Variants in FBLN1 observed in about 807,000 individuals in gnomAD.
FBLN1 encodes fibulin-1.
Under a neutral mutation model 89.7 loss-of-function variants are expected in FBLN1, and 34 were observed. The observed-to-expected ratio is 0.38, with a 90% CI of 0.29 to 0.50. The LOEUF is 0.50. FBLN1 is among the 20% of genes least tolerant of loss of function. FBLN1 has a pLI of 0.92. For synonymous variants in FBLN1, 393 were observed against 391.3 expected, an observed-to-expected ratio of 1.00 and a Z score of -0.05; for missense variants, 777 against 988.1, an observed-to-expected ratio of 0.79 and a Z score of 2.86.
intron 2 of FBLN1, among the ~76,000 whole-genome samples, chr22:45,523,917 C>T (rs142716275): frequency 6.6e-6 from 1 of 152,280 alleles, no homozygotes; most frequent in Non-Finnish European, 1.5e-5. Context: ...ACACGGGTTC[C>T]AGCATCTCCA....
chr22:45,534,991 G>GA (rs1273047660), intron 7 of FBLN1, among the ~76,000 whole-genome samples: 2 of 152,062 alleles, frequency 1.3e-5, no homozygotes, highest in Non-Finnish European at 2.9e-5. Flanking sequence ...AGAGCCTTGG[G>GA]AAAAAAAGTC....
rs575157250 is a variant in FBLN1, at chr22:45,563,967, C to T, written c.1698-10544C>T. Reference sequence around the variant, plus strand: ...TTTTGCCCCCACTGAGGATCCTGGCCCTGTGCCGGGGGGAGGCAAAGGACC... The same window carrying T: ...TTTTGCCCCCACTGAGGATCCTGGCTCTGTGCCGGGGGGAGGCAAAGGACC... On this transcript the variant is annotated intron_variant, in intron 14 of 16. Coordinates refer to ENST00000327858, the MANE Select transcript of FBLN1 (RefSeq NM_006486.3). The surrounding 1 kb of genome is among the most constrained non-coding windows in gnomAD (Gnocchi z 5.7). Among the ~76,000 whole-genome samples the T allele has an allele frequency of 1.3e-5, 2 of 152,142 alleles. No individual in the cohort carries two copies. Among genetic ancestry groups the T allele is most frequent in the Non-Finnish European group, 2.9e-5 (2 of 68,022 alleles).
chr22:45,542,372 A>T, intron 10 of FBLN1, 89 bp downstream of exon 10: 2 of 1,524,932 alleles, frequency 1.3e-6, no homozygotes, highest in Admixed American at 1.7e-5. Context: ...ATGTGGTCTG[A>T]TCCTCATCTC....
At chr22:45,520,660 G>A (rs1308273756) in intron 2 of FBLN1, among the ~76,000 whole-genome samples, 2 of 152,156 alleles carry the variant, frequency 1.3e-5, no homozygotes, top group African/African-American at 4.8e-5. Flanking sequence ...AGAAAGTGAG[G>A]CATCAGCCCG....
chr22:45,550,425 C>T lies in FBLN1; in HGVS notation c.1574-67C>T. On this transcript the variant is annotated intron_variant, in intron 13 of 16. Coordinates refer to ENST00000327858, the MANE Select transcript of FBLN1 (RefSeq NM_006486.3). The surrounding 1 kb of genome is among the most constrained non-coding windows in gnomAD (Gnocchi z 8.4). ...TAGTTGATGGGAGGCCTGGGCTCCT[C>T]CGTCTCCAGATGGGTATGGCTCCTG... 1.2e-6 allele frequency: 2 copies of T among 1,612,030 alleles called. No homozygotes were observed. Among genetic ancestry groups the T allele is most frequent in the Middle Eastern group, 1.7e-4 (1 of 6,060 alleles).
intron 11 of FBLN1, among the ~76,000 whole-genome samples, chr22:45,546,237 A>G (rs1048208384): frequency 7.3e-5 from 11 of 151,086 alleles, no homozygotes; most frequent in Admixed American, 3.3e-4. Context: ...TATTATTTTG[A>G]GACGGAGTCT....
chr22:45,516,860 A>G (rs955053135), intron 1 of FBLN1, among the ~76,000 whole-genome samples: 3 of 152,202 alleles, frequency 2.0e-5, no homozygotes, highest in African/African-American at 7.2e-5. Context: ...AGAAGTTGTC[A>G]CTGGGGGACA....
chr22:45,542,473 G>A (rs1012242613), intron 10 of FBLN1, among the ~76,000 whole-genome samples, 190 bp downstream of exon 10: 1 of 152,150 alleles, frequency 6.6e-6, no homozygotes, highest in African/African-American at 2.4e-5. Flanking sequence ...CCAGCCAGGC[G>A]GCCACTGGCA....
At chr22:45,508,489 C>T (rs2088054984) in intron 1 of FBLN1, among the ~76,000 whole-genome samples, 1 of 152,112 alleles carries the variant, frequency 6.6e-6, no homozygotes, top group Non-Finnish European at 1.5e-5. Context: ...TCTCTAACTC[C>T]TGACCTCGTG....
chr22:45,597,090 C>G lies in FBLN1; in HGVS notation c.1973-3217C>G, dbSNP rs569337514. Reference sequence around the variant, plus strand: ...AATCTTGGCTCATTGCAACCTTGACCTTCCCGGGCTCAAACAATTCTGCCA... The same window carrying G: ...AATCTTGGCTCATTGCAACCTTGACGTTCCCGGGCTCAAACAATTCTGCCA... On this transcript the variant is annotated intron_variant, in intron 16 of 16. Coordinates refer to ENST00000327858, the MANE Select transcript of FBLN1 (RefSeq NM_006486.3). The surrounding 1 kb of genome is among the most constrained non-coding windows in gnomAD (Gnocchi z 4.2). 3.9e-4 allele frequency among the ~76,000 whole-genome samples: 59 copies of G among 151,928 alleles called. No homozygotes were observed. The highest frequency in any genetic ancestry group is 1.3e-3 in the African/African-American group (55 of 41,478).
intron 2 of FBLN1, among the ~76,000 whole-genome samples, chr22:45,524,343 TC>T (rs1334713682): frequency 6.6e-6 from 1 of 152,160 alleles, no homozygotes; most frequent in Non-Finnish European, 1.5e-5. Context: ...CGTGACACAC[TC>T]CTCTCCTGCT....
At position 45,548,887 on chromosome 22, in the gene FBLN1, C is replaced by T. The variant is rs564629413; in HGVS notation, c.1573+143C>T. ...GGAATGCATTCAGGAAAAGGAGGCC[C>T]ACCCCATCCAAGGGGTGTCCTGGGG... On this transcript the variant is annotated intron_variant, in intron 13 of 16. Transcript: ENST00000327858. The T allele has an allele frequency of 5.7e-5, 77 of 1,339,788 alleles. No individual in the cohort carries two copies. In the African/African-American group the frequency reaches 9.4e-4, roughly 16 times the overall value. The allele number at this position is 1,339,788 out of a possible 1,614,324, so 83.0% of individuals were successfully genotyped here.
At chr22:45,517,315 T>C in intron 1 of FBLN1, 1 of 325,032 alleles carries the variant, frequency 3.1e-6, no homozygotes, top group Non-Finnish European at 6.1e-6. Flanking sequence ...GGGGCTGTCG[T>C]GCTAATGCTT....
Position 45,563,418 on chromosome 22 carries a change from C to A in FBLN1, c.1698-11093C>A. 6.7e-7 allele frequency: 1 copy of A among 1,499,218 alleles called. No homozygotes were observed. The highest frequency in any genetic ancestry group is 8.9e-7 in the Non-Finnish European group (1 of 1,124,258). The allele number at this position is 1,499,218 out of a possible 1,614,324, so 92.9% of individuals were successfully genotyped here. A position where few individuals can be genotyped will look rare whatever the true frequency, so the allele number is the denominator to read the frequency against. ...GTTGGGAGTCTGTGCCGCTTGTTAC[C>A]CGGGGGTGAGCTGGGCACTGGCCAC... On this transcript the variant is annotated intron_variant, in intron 14 of 16. Coordinates refer to ENST00000327858, the MANE Select transcript of FBLN1 (RefSeq NM_006486.3). The surrounding 1 kb of genome is among the most constrained non-coding windows in gnomAD (Gnocchi z 5.7).
intron 1 of FBLN1, among the ~76,000 whole-genome samples, chr22:45,504,202 G>C (rs1167202324): frequency 6.6e-6 from 1 of 151,718 alleles, no homozygotes; most frequent in Non-Finnish European, 1.5e-5. Flanking sequence ...ATTCCAGGAA[G>C]GGGGCTGAAG....
chr22:45,568,756 AG>A lies in FBLN1; in HGVS notation c.1698-5754del, dbSNP rs1412534369. 1.6e-3 allele frequency among the ~76,000 whole-genome samples: 44 copies of A among 27,794 alleles called. 11 individuals are homozygous for A. The highest frequency in any genetic ancestry group is 5.6e-3 in the African/African-American group (33 of 5,910). 18.2% of individuals were successfully genotyped at this position (27,794 alleles called of 152,430 possible). A position where few individuals can be genotyped will look rare whatever the true frequency, so the allele number is the denominator to read the frequency against. On this transcript the variant is annotated intron_variant, in intron 14 of 16. Transcript: ENST00000327858. ...CTCCTGTAGGGGACTTCTGTAGGGGAGTGCTCCTTCTGTAAGGGAATGCTCC... is the reference window on the plus strand; with the variant it reads ...CTCCTGTAGGGGACTTCTGTAGGGGATGCTCCTTCTGTAAGGGAATGCTCC...
At chr22:45,507,184 C>T (rs1014989944) in intron 1 of FBLN1, among the ~76,000 whole-genome samples, 1 of 152,096 alleles carries the variant, frequency 6.6e-6, no homozygotes, top group African/African-American at 2.4e-5. Context: ...CTGGGCTGGG[C>T]CCCACCTCCT....
chr22:45,512,170 G>A (rs1340141500), intron 1 of FBLN1, among the ~76,000 whole-genome samples: 3 of 151,944 alleles, frequency 2.0e-5, no homozygotes, highest in Admixed American at 6.6e-5. Context: ...ACAGCTGTTG[G>A]CGGTCTGGGA....
intron 11 of FBLN1, among the ~76,000 whole-genome samples, chr22:45,544,325 G>A (rs1237721317): frequency 2.6e-5 from 4 of 152,162 alleles, no homozygotes; most frequent in African/African-American, 9.7e-5. Flanking sequence ...GACCTCAGAT[G>A]ATCCGCCCAC....
Sources: allele counts gnomAD v4.1 joint callset (sites outside exome capture counted in the v4.1 genomes callset), GRCh38; gene constraint gnomAD v4.1.1; non-coding constraint Gnocchi (gnomAD v3.1); transcripts MANE v1.5; gene names NCBI Gene and HGNC (gene_info 2026-07-23, HGNC 2026-07-21).